The following ADRA1D variants were observed in gnomAD, a reference collection of about 807,000 sequenced individuals.
The protein encoded by ADRA1D is alpha-1D adrenergic receptor.
A neutral mutation model predicts 18.6 loss-of-function variants in ADRA1D; 22 were observed. That is an observed-to-expected ratio of 1.19 (90% CI 0.85 to 1.69). The LOEUF is 1.69. Ranked by LOEUF, ADRA1D falls within the 40% of genes most tolerant of loss-of-function variation. The pLI is 0.00. For synonymous variants in ADRA1D, 376 were observed against 388.2 expected (o/e 0.97, Z 0.37); for missense variants, 840 against 840.7 (o/e 1.00, Z 0.01).
intron 1 of ADRA1D, among the ~76,000 whole-genome samples, chr20:4,225,614 C>T (rs1247073605): frequency 2.6e-5 from 4 of 150,946 alleles, no homozygotes. Flanking sequence ...TAGTGTCTTG[C>T]CATGTTGGCC....
At chr20:4,246,544 G>GGCAAGACC (rs1218287546) in intron 1 of ADRA1D, among the ~76,000 whole-genome samples, 7 of 152,090 alleles carry the variant, frequency 4.6e-5, no homozygotes, top group African/African-American at 1.7e-4. Flanking sequence ...AGAGGGAAGC[G>GGCAAGACC]GCAAGACCGT....
At chr20:4,232,328 G>T (rs1176309562) in intron 1 of ADRA1D, among the ~76,000 whole-genome samples, 2 of 152,208 alleles carry the variant, frequency 1.3e-5, no homozygotes, top group Non-Finnish European at 2.9e-5. Context: ...TTCTCCAAGG[G>T]TGTTCCTGTG....
intron 1 of ADRA1D, among the ~76,000 whole-genome samples, chr20:4,247,467 A>T (rs549519994): frequency 6.6e-6 from 1 of 152,074 alleles, no homozygotes; most frequent in Non-Finnish European, 1.5e-5. Flanking sequence ...ATGTAGGCCC[A>T]CCCACTCTGT....
chr20:4,233,949 G>A (rs1981029666), intron 1 of ADRA1D, among the ~76,000 whole-genome samples: 1 of 152,196 alleles, frequency 6.6e-6, no homozygotes. Flanking sequence ...TGGCTGGGCT[G>A]CTCCAGCCTG....
chr20:4,244,172 G>A (rs1054761320), intron 1 of ADRA1D, among the ~76,000 whole-genome samples: 2 of 152,190 alleles, frequency 1.3e-5, no homozygotes, highest in Non-Finnish European at 2.9e-5. Context: ...GCTACCACCT[G>A]GCTTTGTGTG....
In ADRA1D at chr20:4,222,977, AT is replaced by A. The variant is rs1377770303; in HGVS notation, c.1112-848del. On this transcript the variant is annotated intron_variant, in intron 1 of 1. Transcript: ENST00000379453. This position sits in a 1 kb window ranked among gnomAD's most constrained non-coding sequence, Gnocchi z 4.3. ...AATTGATAATATGATTCAAACGAAC[AT>A]TAGCCGTCCCCACGGATATTTTCCT... is the stretch of plus-strand genomic sequence containing the variant. Among the ~76,000 whole-genome samples, 2 of 152,220 alleles carry A rather than the reference AT, an allele frequency of 1.3e-5. No homozygotes were observed. Among genetic ancestry groups the A allele is most frequent in the African/African-American group, 4.8e-5 (2 of 41,450 alleles).
rs758854133 is a variant in ADRA1D at position 4,248,384 on chromosome 20, C to T, written c.574G>A (p.Val192Met). Reference sequence around the variant, plus strand: ...TGGCGCACGCCCACGTACCGGTCCACGGAGATGGTGCAGAGGCTGAGGATG... The same window carrying T: ...TGGCGCACGCCCACGTACCGGTCCATGGAGATGGTGCAGAGGCTGAGGATG... ...ASILSLCTIS[V>M]DRYVGVRHSL... Residue 192 changes from valine (V) to methionine (M), a missense_variant, in exon 1 of 2, where the codon GTG (valine) becomes ATG (methionine). Coordinates refer to ENST00000379453, the MANE Select transcript of ADRA1D (RefSeq NM_000678.4). 6.2e-7 allele frequency: 1 copy of T among 1,609,720 alleles called. No individual in the cohort carries two copies. Among genetic ancestry groups the T allele is most frequent in the Admixed American group, 1.7e-5 (1 of 59,366 alleles).
At chr20:4,236,001 G>A (rs1021377026) in intron 1 of ADRA1D, among the ~76,000 whole-genome samples, 21 of 152,174 alleles carry the variant, frequency 1.4e-4, no homozygotes, top group Non-Finnish European at 2.6e-4. Context: ...CCTCTTGGCC[G>A]GTATCCAAGA....
At chr20:4,227,526 C>T (rs374600351) in intron 1 of ADRA1D, among the ~76,000 whole-genome samples, 3 of 152,010 alleles carry the variant, frequency 2.0e-5, no homozygotes, top group African/African-American at 4.8e-5. Context: ...TTCTGTGTAT[C>T]GCACCTTGCA....
At position 4,221,749 on chromosome 20, in the gene ADRA1D, C is replaced by G; in HGVS notation, c.1493G>C (p.Arg498Thr). ...RKPPSAFREW[R>T]LLGPFRRPTT... ...GGGTCTCCGGAACGGCCCCAGCAGC[C>G]TCCACTCGCGGAAGGCGCTGGGTGG... Residue 498 changes from arginine to threonine, a missense_variant, in exon 2 of 2, where the codon AGG becomes ACG. Arg to Thr is a moderately conservative substitution (Grantham distance 71, BLOSUM62 -1). Coordinates refer to ENST00000379453, the MANE Select transcript of ADRA1D (RefSeq NM_000678.4). 6.2e-7 allele frequency: 1 copy of G among 1,601,820 alleles called. No individual in the cohort carries two copies. The highest frequency in any genetic ancestry group is 8.5e-7 in the Non-Finnish European group (1 of 1,176,786).
At position 4,247,843 on chromosome 20, in the gene ADRA1D, T is replaced by C; in HGVS notation, c.1111+4A>G. The C allele has an allele frequency of 6.5e-7, 1 of 1,530,560 alleles. No homozygotes were observed. Among genetic ancestry groups the C allele is most frequent in the East Asian group, 2.4e-5 (1 of 42,008 alleles). 94.8% of individuals were successfully genotyped at this position (1,530,560 alleles called of 1,614,324 possible). A position where few individuals can be genotyped will look rare whatever the true frequency, so the allele number is the denominator to read the frequency against. ...GAGGGGCCGGTGGGAGAGGGGTCAC[T>C]CACCGAGCGGCAGGACAAAGAAGAA... On this transcript the variant is annotated splice_donor_region_variant and intron_variant, in intron 1 of 1. Transcript: ENST00000379453.
chr20:4,226,456 A>G (rs1980802493), intron 1 of ADRA1D, among the ~76,000 whole-genome samples: 1 of 152,246 alleles, frequency 6.6e-6, no homozygotes, highest in African/African-American at 2.4e-5. Context: ...AAAGTGTGTT[A>G]TCAAGTTACG....
chr20:4,238,683 G>C (rs777988537), intron 1 of ADRA1D, among the ~76,000 whole-genome samples: 1 of 152,206 alleles, frequency 6.6e-6, no homozygotes, highest in Non-Finnish European at 1.5e-5. Flanking sequence ...GCACTAGCTT[G>C]CTACAATTTC....
At chr20:4,227,740 TTCCTTCCTTCTTCTC>T (rs1980850198) in intron 1 of ADRA1D, among the ~76,000 whole-genome samples, 1 of 129,336 alleles carries the variant, frequency 7.7e-6, no homozygotes, top group Non-Finnish European at 1.6e-5. Context: ...CCTTCCTTCC[TTCCTTCCTTCTTCTC>T]TCTCTCTCTT....
chr20:4,224,040 G>T (rs1036381272), intron 1 of ADRA1D, among the ~76,000 whole-genome samples: 1 of 152,182 alleles, frequency 6.6e-6, no homozygotes, highest in African/African-American at 2.4e-5. Flanking sequence ...AGGTGGGAAG[G>T]ACAGGCGGGC....
intron 1 of ADRA1D, among the ~76,000 whole-genome samples, chr20:4,225,892 G>A (rs1257381097): frequency 6.6e-6 from 1 of 152,154 alleles, no homozygotes; most frequent in South Asian, 2.1e-4. Context: ...TATTTTCCCC[G>A]GGAGAGAGGT....
chr20:4,236,487 G>T (rs557703860), intron 1 of ADRA1D, among the ~76,000 whole-genome samples: 1 of 152,164 alleles, frequency 6.6e-6, no homozygotes, highest in African/African-American at 2.4e-5. Context: ...GGACTCCAGA[G>T]GACAGACAGA....
chr20:4,248,533 T>A lies in ADRA1D; in HGVS notation c.425A>T (p.Asp142Val). The A allele has an allele frequency of 1.9e-6, 3 of 1,613,822 alleles. No individual in the cohort carries two copies. The highest frequency in any genetic ancestry group is 2.5e-6 in the Non-Finnish European group (3 of 1,179,944). The change falls in exon 1 of 2, where the codon GAC (aspartate) becomes GTC (valine). Residue 142 changes from aspartate to valine, a missense_variant. By Grantham distance (152) the Asp-to-Val change is radical (BLOSUM62 -3). Coordinates refer to ENST00000379453, the MANE Select transcript of ADRA1D (RefSeq NM_000678.4). ...CAGTACGGTGGCGCTCAGCAGCAGG[T>A]CGGCCACGGCCAGGTTCACGATGAA... ...NYFIVNLAVA[D>V]LLLSATVLPF...
rs1426817758 is a variant in ADRA1D, at chr20:4,248,437, G to A, written c.521C>T (p.Ala174Val). Reference sequence around the variant, plus strand: ...GGCCGTGCAGCACAGCACGTCCACGGCGGCCCATACGTCGCAGAAGGCGCG... The same window carrying A: ...GGCCGTGCAGCACAGCACGTCCACGACGGCCCATACGTCGCAGAAGGCGCG... ...FGRAFCDVWA[A>V]VDVLCCTASI... The change falls in exon 1 of 2, where the codon GCC (alanine) becomes GTC (valine). Residue 174 changes from alanine (A) to valine (V), a missense_variant. Ala to Val is a moderately conservative substitution (Grantham distance 64). Coordinates refer to ENST00000379453, the MANE Select transcript of ADRA1D (RefSeq NM_000678.4). 1 of 1,611,932 alleles carries A rather than the reference G, an allele frequency of 6.2e-7. No individual in the cohort carries two copies. The highest frequency in any genetic ancestry group is 2.2e-5 in the East Asian group (1 of 44,788).
Sources: gnomAD v4.1 joint callset for allele counts (sites outside exome capture counted in the v4.1 genomes callset) on GRCh38, gnomAD v4.1.1 for gene constraint, Gnocchi (gnomAD v3.1) non-coding constraint, MANE v1.5 for transcripts, NCBI Gene and HGNC (gene_info 2026-07-23, HGNC 2026-07-21) for gene names.